Variants in SMLR1 observed in about 807,000 individuals in gnomAD.
The protein encoded by SMLR1 is small leucine rich protein 1, also known as small leucine-rich protein 1.
A neutral mutation model predicts 6.1 loss-of-function variants in SMLR1; 3 were observed. The ratio of observed to expected loss-of-function variants is 0.49; its 90% confidence interval spans 0.22 to 1.28. The LOEUF (loss-of-function observed/expected upper bound fraction) is 1.28. SMLR1 is among the 50% of genes most tolerant of loss of function. SMLR1 has a pLI of 0.19. For synonymous variants in SMLR1, 55 were observed against 53.6 expected (o/e 1.03, Z -0.11); for missense variants, 126 against 124.8 (o/e 1.01, Z -0.05).
At chr6:130,827,879 G>C (rs1450074813) in intron 1 of SMLR1, among the ~76,000 whole-genome samples, 1 of 152,118 alleles carries the variant, frequency 6.6e-6, no homozygotes. Context: ...GCTGTAGGGG[G>C]CCCTCACGTG....
rs1418435586 is a variant in SMLR1, at chr6:130,834,947, T to A, written c.316T>A (p.Trp106Arg). The A allele has an allele frequency of 6.5e-7, 1 of 1,535,258 alleles. No individual in the cohort carries two copies. Among genetic ancestry groups the A allele is most frequent in the Non-Finnish European group, 8.7e-7 (1 of 1,146,254 alleles). ...DGSSLYQRMK[W>R]T is the part of the protein sequence containing the mutation. Reference sequence around the variant, plus strand: ...CTCTTCCCTGTACCAGAGAATGAAATGGACGTGAAGTTGGGGACTTTCCAA... The same window carrying A: ...CTCTTCCCTGTACCAGAGAATGAAAAGGACGTGAAGTTGGGGACTTTCCAA... Residue 106 changes from tryptophan (W) to arginine (R), a missense_variant, in exon 2 of 2, where the codon TGG (tryptophan) becomes AGG (arginine). Physicochemically the swap from Trp to Arg is moderately radical, Grantham distance 101. Transcript: ENST00000541421.
rs904348218 is a variant in SMLR1, at chr6:130,836,404, C to A, written c.*1449C>A. ...AAAGTGTGAAAGGACAGATCGTATT[C>A]CTATCTCAGGCAGCTGCCAGCCACA... On this transcript the variant is annotated 3_prime_UTR_variant, in exon 2 of 2. Coordinates refer to ENST00000541421, the MANE Select transcript of SMLR1 (RefSeq NM_001195597.2). 2 of 152,154 alleles carry A rather than the reference C, an allele frequency of 1.3e-5. No homozygotes were observed. Among genetic ancestry groups the A allele is most frequent in the Non-Finnish European group, 2.9e-5 (2 of 68,020 alleles). 9.4% of individuals were successfully genotyped at this position (152,154 alleles called of 1,614,324 possible).
Position 130,827,559 on chromosome 6 carries a change from TC to T in SMLR1, c.149del (p.Pro50LeufsTer13), listed in dbSNP as rs1430290810. 4 of 1,535,964 alleles carry T rather than the reference TC, an allele frequency of 2.6e-6. No homozygotes were observed. Among genetic ancestry groups the T allele is most frequent in the Non-Finnish European group, 3.5e-6 (4 of 1,146,840 alleles). ...GTGCTGTCAGCTTTCATGAGGGAGC[TC>T]CCTGGCTGGTTCCTGTTCTTTGGGG... The part of the protein sequence containing the change: ...SSVLSAFMRE[L>X]PGWFLFFGVF... On this transcript the variant is annotated frameshift_variant, in exon 1 of 2. Transcript: ENST00000541421. LOFTEE classifies it high-confidence loss of function.
intron 1 of SMLR1, among the ~76,000 whole-genome samples, chr6:130,829,754 T>C (rs368535768): frequency 6.6e-6 from 1 of 152,228 alleles, no homozygotes; most frequent in African/African-American, 2.4e-5. Context: ...AATTCTGACA[T>C]GCTACTGAGC....
At chr6:130,831,067 C>T (rs564650083) in intron 1 of SMLR1, among the ~76,000 whole-genome samples, 1 of 152,356 alleles carries the variant, frequency 6.6e-6, no homozygotes, top group African/African-American at 2.4e-5. Context: ...CAAGAACTCT[C>T]TCGGGGTCTG....
At chr6:130,828,989 T>C (rs1025742476) in intron 1 of SMLR1, among the ~76,000 whole-genome samples, 2 of 152,070 alleles carry the variant, frequency 1.3e-5, no homozygotes, top group African/African-American at 4.8e-5. Flanking sequence ...AGTCGAAATG[T>C]TTTTCAGAGT....
chr6:130,827,702 C>T lies in SMLR1; in HGVS notation c.238+51C>T, dbSNP rs1021342252. ...AACTTGGGCATCCTTTCCCACAGCA[C>T]ATCTTGAAATATACCGATGCACTGT... is the stretch of plus-strand genomic sequence containing the variant. On this transcript the variant is annotated intron_variant, in intron 1 of 1. Coordinates refer to ENST00000541421, the MANE Select transcript of SMLR1 (RefSeq NM_001195597.2). The T allele has an allele frequency of 3.0e-6, 4 of 1,352,062 alleles. 1 individual carries two copies. Among genetic ancestry groups the T allele is most frequent in the African/African-American group, 1.4e-5 (1 of 69,076 alleles). The allele number at this position is 1,352,062 out of a possible 1,614,324, so 83.8% of individuals were successfully genotyped here.
intron 1 of SMLR1, among the ~76,000 whole-genome samples, chr6:130,833,583 C>T (rs935057833): frequency 3.9e-5 from 6 of 152,158 alleles, no homozygotes; most frequent in African/African-American, 1.4e-4. Context: ...ATCCTGAATT[C>T]ATCAGTTTCT....
At chr6:130,831,125 A>C (rs1774431836) in intron 1 of SMLR1, among the ~76,000 whole-genome samples, 1 of 152,232 alleles carries the variant, frequency 6.6e-6, no homozygotes, top group African/African-American at 2.4e-5. Context: ...TGAGTGGATC[A>C]AAGTAGTCCT....
chr6:130,837,051 C>T lies in SMLR1; in HGVS notation c.*2096C>T, dbSNP rs761920005. On this transcript the variant is annotated 3_prime_UTR_variant, in exon 2 of 2. Transcript: ENST00000541421. ...ACAGTTCCGAATCTTATTCCAAATG[C>T]TATAGTATCTGAAACGGTTCACCAA... The T allele has an allele frequency of 6.6e-6, 1 of 152,140 alleles. No homozygotes were observed. Among genetic ancestry groups the T allele is most frequent in the African/African-American group, 2.4e-5 (1 of 41,418 alleles). The allele number at this position is 152,140 out of a possible 1,614,324, so 9.4% of individuals were successfully genotyped here. A position where few individuals can be genotyped will look rare whatever the true frequency, so the allele number is the denominator to read the frequency against.
intron 1 of SMLR1, among the ~76,000 whole-genome samples, chr6:130,828,307 A>G (rs1399268686): frequency 1.3e-5 from 2 of 152,218 alleles, no homozygotes; most frequent in Non-Finnish European, 2.9e-5. Context: ...TTATTCTGCT[A>G]TAATTAAAAT....
intron 1 of SMLR1, 82 bp from the exon 2 acceptor site, chr6:130,834,788 C>A: frequency 8.5e-7 from 1 of 1,174,804 alleles, no homozygotes; most frequent in Non-Finnish European, 1.2e-6. Context: ...GTCAGATATG[C>A]TGGCCAACAG....
In SMLR1 at chr6:130,837,066, C is replaced by T. The variant is rs535166228; in HGVS notation, c.*2111C>T. 3.3e-5 allele frequency: 5 copies of T among 152,270 alleles called. No individual in the cohort carries two copies. Among genetic ancestry groups the T allele is most frequent in the South Asian group, 4.1e-4 (2 of 4,824 alleles). 9.4% of individuals were successfully genotyped at this position (152,270 alleles called of 1,614,324 possible). ...ATTCCAAATGCTATAGTATCTGAAA[C>T]GGTTCACCAATAGGGATAATGTTTC... On this transcript the variant is annotated 3_prime_UTR_variant, in exon 2 of 2. Coordinates refer to ENST00000541421, the MANE Select transcript of SMLR1 (RefSeq NM_001195597.2).
intron 1 of SMLR1, among the ~76,000 whole-genome samples, chr6:130,833,029 C>A (rs1379785645): frequency 6.6e-6 from 1 of 152,208 alleles, no homozygotes; most frequent in East Asian, 1.9e-4. Flanking sequence ...ACAGGGCACA[C>A]TGCATTGCTT....
At chr6:130,829,027 T>G (rs966450736) in intron 1 of SMLR1, among the ~76,000 whole-genome samples, 4 of 152,202 alleles carry the variant, frequency 2.6e-5, no homozygotes, top group African/African-American at 9.6e-5. Flanking sequence ...TCCGTAACAC[T>G]CACTGCATCT....
At chr6:130,827,703 A>G in intron 1 of SMLR1, 52 bp downstream of exon 1, 3 of 1,306,810 alleles carry the variant, frequency 2.3e-6, no homozygotes, top group Non-Finnish European at 3.2e-6. Context: ...CCCACAGCAC[A>G]TCTTGAAATA....
At chr6:130,829,045 C>T (rs1362193635) in intron 1 of SMLR1, among the ~76,000 whole-genome samples, 1 of 152,190 alleles carries the variant, frequency 6.6e-6, no homozygotes, top group Non-Finnish European at 1.5e-5. Flanking sequence ...TCTCAGCCTC[C>T]CATTGACATT....
chr6:130,831,141 A>G (rs1487250163), intron 1 of SMLR1, among the ~76,000 whole-genome samples: 1 of 152,184 alleles, frequency 6.6e-6, no homozygotes, highest in Non-Finnish European at 1.5e-5. Context: ...GTCCTCCCTG[A>G]TGGCAGTTTT....
At chr6:130,832,130 T>C (rs992899297) in intron 1 of SMLR1, among the ~76,000 whole-genome samples, 2 of 152,012 alleles carry the variant, frequency 1.3e-5, no homozygotes, top group African/African-American at 4.8e-5. Flanking sequence ...AGGTTGGAAG[T>C]TTTCATTATC....
Sources: allele counts gnomAD v4.1 joint callset (sites outside exome capture counted in the v4.1 genomes callset), GRCh38; gene constraint gnomAD v4.1.1; transcripts MANE v1.5; gene names NCBI Gene and HGNC (gene_info 2026-07-23, HGNC 2026-07-21).